Variants in MIPOL1 observed in about 807,000 individuals in gnomAD.
The protein encoded by MIPOL1 is mirror-image polydactyly 1.
MIPOL1 carries 57 observed loss-of-function variants against 60.9 expected under a neutral mutation model. The ratio of observed to expected loss-of-function variants is 0.94; its 90% confidence interval spans 0.76 to 1.17. The LOEUF (loss-of-function observed/expected upper bound fraction) is 1.17, where lower values mean the gene tolerates loss of function less well. MIPOL1 is among the 50% of genes most tolerant of loss of function. The pLI is 0.00. For missense variants in MIPOL1, 551 were observed against 511.6 expected (o/e 1.08, Z -0.74); for synonymous variants, 179 against 168.8 (o/e 1.06, Z -0.47).
At chr14:37,519,638 T>G (rs2095397578) in intron 12 of MIPOL1, among the ~76,000 whole-genome samples, 1 of 152,028 alleles carries the variant, frequency 6.6e-6, no homozygotes, top group Non-Finnish European at 1.5e-5. Flanking sequence ...TTGAATACCC[T>G]ATAAAAGATG....
intron 10 of MIPOL1, among the ~76,000 whole-genome samples, chr14:37,382,487 A>T (rs2092951046): frequency 6.6e-6 from 1 of 152,062 alleles, no homozygotes; most frequent in African/African-American, 2.4e-5. Flanking sequence ...AGTAAAAGTA[A>T]TTGCATTTAC....
chr14:37,249,219 A>T (rs189818933), intron 3 of MIPOL1, among the ~76,000 whole-genome samples: 21 of 152,272 alleles, frequency 1.4e-4, no homozygotes, highest in Admixed American at 1.0e-3. Context: ...ATTATAATTT[A>T]AAAAATAGGA....
chr14:37,432,441 T>C (rs1218413816), intron 11 of MIPOL1, among the ~76,000 whole-genome samples: 4 of 152,224 alleles, frequency 2.6e-5, no homozygotes, highest in Non-Finnish European at 4.4e-5. Context: ...ACAATGTTTT[T>C]TTGTGTGCAT....
intron 10 of MIPOL1, among the ~76,000 whole-genome samples, chr14:37,396,795 T>C (rs188352161): frequency 6.6e-6 from 1 of 152,336 alleles, no homozygotes; most frequent in East Asian, 1.9e-4. Flanking sequence ...ATTTTGCATT[T>C]CTGTAAGTGT....
At chr14:37,365,365 A>T (rs2092435005) in intron 9 of MIPOL1, among the ~76,000 whole-genome samples, 1 of 152,132 alleles carries the variant, frequency 6.6e-6, no homozygotes, top group South Asian at 2.1e-4. Flanking sequence ...GGCTTTTATT[A>T]TGTTAATGTA....
intron 10 of MIPOL1, among the ~76,000 whole-genome samples, chr14:37,388,474 G>T (rs545264352): frequency 5.5e-4 from 83 of 150,196 alleles, no homozygotes; most frequent in African/African-American, 1.7e-3. Context: ...ATTATTTTTG[G>T]GTTTTTTTTG....
intron 10 of MIPOL1, among the ~76,000 whole-genome samples, chr14:37,416,165 G>T (rs1697772213): frequency 6.6e-6 from 1 of 152,046 alleles, no homozygotes; most frequent in East Asian, 1.9e-4. Context: ...TTCTGGTATT[G>T]GTTGTTAATG....
chr14:37,489,062 C>A (rs1316921842), intron 11 of MIPOL1, among the ~76,000 whole-genome samples: 1 of 152,228 alleles, frequency 6.6e-6, no homozygotes, highest in Non-Finnish European at 1.5e-5. Context: ...CTCCGCATCA[C>A]TTTCAAGTAC....
chr14:37,520,967 T>C (rs113269956), intron 12 of MIPOL1, among the ~76,000 whole-genome samples: 1,961 of 138,430 alleles, frequency 0.014, 54 homozygotes, highest in African/African-American at 0.051. Context: ...GGCGGAGTGT[T>C]GCTCTGTCAC....
rs186197218 is a variant in MIPOL1, at chr14:37,259,524, G to A, written c.20-7414G>A. Among the ~76,000 whole-genome samples the A allele has an allele frequency of 3.0e-3, 449 of 151,948 alleles. 8 individuals are homozygous for A. The highest frequency in any genetic ancestry group is 4.6e-4 in the Non-Finnish European group (31 of 67,952). ...TGAGGCTGTAGTGAGCCATGATGGT[G>A]CCACCTCACTCTAGTCTGAGTGACA... is the stretch of plus-strand genomic sequence containing the variant. On this transcript the variant is annotated intron_variant, in intron 3 of 12. Coordinates refer to ENST00000684589, the MANE Select transcript of MIPOL1 (RefSeq NM_001388067.1).
chr14:37,348,828 GTTTTTTTT>G (rs10712008), intron 9 of MIPOL1, among the ~76,000 whole-genome samples: 1 of 113,076 alleles, frequency 8.8e-6, no homozygotes. Flanking sequence ...TCCTTTTTTT[GTTTTTTTT>G]TTTTTTTTTT....
At chr14:37,336,820 G>A (rs1248851625) in intron 9 of MIPOL1, among the ~76,000 whole-genome samples, 1 of 151,842 alleles carries the variant, frequency 6.6e-6, no homozygotes, top group Non-Finnish European at 1.5e-5. Flanking sequence ...GAGTTCAGTG[G>A]CATGATCTTA....
chr14:37,275,415 A>G (rs1453250786), intron 6 of MIPOL1, among the ~76,000 whole-genome samples: 1 of 151,300 alleles, frequency 6.6e-6, no homozygotes, highest in Non-Finnish European at 1.5e-5. Flanking sequence ...AAACACAAGC[A>G]TTTTAAAATT....
intron 1 of MIPOL1, among the ~76,000 whole-genome samples, chr14:37,245,536 A>G (rs886161526): frequency 6.6e-6 from 1 of 152,044 alleles, no homozygotes; most frequent in Non-Finnish European, 1.5e-5. Context: ...GATTTATTTT[A>G]TTTTTATGGT....
intron 12 of MIPOL1, among the ~76,000 whole-genome samples, chr14:37,526,209 T>A (rs1352089026): frequency 6.6e-6 from 1 of 151,838 alleles, no homozygotes; most frequent in Non-Finnish European, 1.5e-5. Context: ...TTTTTTTTTT[T>A]TTGGAAATAC....
chr14:37,465,378 A>G (rs1314223802), intron 11 of MIPOL1, among the ~76,000 whole-genome samples: 1 of 152,146 alleles, frequency 6.6e-6, no homozygotes, highest in Non-Finnish European at 1.5e-5. Context: ...ATAGTAGGAA[A>G]CTATTTCTCT....
intron 1 of MIPOL1, among the ~76,000 whole-genome samples, chr14:37,243,824 ATTAC>A (rs1449577960): frequency 3.3e-5 from 5 of 152,182 alleles, no homozygotes; most frequent in African/African-American, 4.8e-5. Flanking sequence ...AAATGTCAGA[ATTAC>A]TTACAATTTT....
At chr14:37,518,412 G>T (rs921534410) in intron 12 of MIPOL1, among the ~76,000 whole-genome samples, 1 of 152,092 alleles carries the variant, frequency 6.6e-6, no homozygotes, top group Non-Finnish European at 1.5e-5. Flanking sequence ...TCGGCTCACC[G>T]CAACTTCCGC....
chr14:37,445,474 T>C (rs935143622), intron 11 of MIPOL1, among the ~76,000 whole-genome samples: 2 of 151,430 alleles, frequency 1.3e-5, no homozygotes, highest in African/African-American at 2.4e-5. Context: ...GAAGAATCAA[T>C]ATCATGAAAA....
Sources: gnomAD v4.1 joint callset for allele counts (sites outside exome capture counted in the v4.1 genomes callset) on GRCh38, gnomAD v4.1.1 for gene constraint, MANE v1.5 for transcripts, NCBI Gene and HGNC (gene_info 2026-07-23, HGNC 2026-07-21) for gene names.